Variants in MORN5 observed in about 807,000 individuals in gnomAD.
The protein encoded by MORN5 is MORN repeat-containing protein 5.
In MORN5, 21 loss-of-function variants were observed where a neutral mutation model predicts 22.1. The observed-to-expected ratio is 0.95, with a 90% CI of 0.67 to 1.37. The LOEUF is 1.37. Ranked by LOEUF, MORN5 falls within the 40% of genes most tolerant of loss-of-function variation. The probability of loss-of-function intolerance (pLI) is 0.00; values close to 1 mark genes in which losing one functional copy is unlikely to be tolerated. For missense variants in MORN5, 211 were observed against 215.1 expected (o/e 0.98, Z 0.12); for synonymous variants, 73 against 74.0 (o/e 0.99, Z 0.07).
chr9:122,199,162 C>T (rs377280960), intron 4 of MORN5, among the ~76,000 whole-genome samples: 24 of 152,300 alleles, frequency 1.6e-4, no homozygotes, highest in African/African-American at 5.5e-4. Flanking sequence ...GTTTAAAAAA[C>T]AGCACAGGCT....
chr9:122,193,291 AG>A (rs762309137), intron 4 of MORN5, among the ~76,000 whole-genome samples: 3 of 152,252 alleles, frequency 2.0e-5, no homozygotes, highest in Non-Finnish European at 2.9e-5. Flanking sequence ...TTGTGTTAAA[AG>A]CAGCAATTTG....
Position 122,174,601 on chromosome 9 carries a change from A to G in MORN5, c.413A>G (p.Tyr138Cys). 5 of 1,614,128 alleles carry G rather than the reference A, an allele frequency of 3.1e-6. No individual in the cohort carries two copies. Among genetic ancestry groups the G allele is most frequent in the Non-Finnish European group, 4.2e-6 (5 of 1,180,004 alleles). The change falls in exon 4 of 5, where the codon TAT becomes TGT. Residue 138 changes from tyrosine (Y) to cysteine (C), a missense_variant. Coordinates refer to ENST00000373764, the MANE Select transcript of MORN5 (RefSeq NM_198469.4). ...CCAGTCACGAGGGTAGTCAAGGACT[A>G]TAGGAACCGCTTTCTAAGAAACGCA... ...YNPVTRVVKD[Y>C]RNRFLRNADD...
chr9:122,167,344 G>A (rs1309276404), intron 2 of MORN5, among the ~76,000 whole-genome samples: 2 of 131,658 alleles, frequency 1.5e-5, no homozygotes, highest in South Asian at 2.5e-4. Context: ...GTGAGCCACC[G>A]CACCTGACCT....
At chr9:122,171,199 A>G (rs1166647543) in intron 3 of MORN5, among the ~76,000 whole-genome samples, 2 of 152,158 alleles carry the variant, frequency 1.3e-5, no homozygotes, top group African/African-American at 2.4e-5. Context: ...ATGAGCCTGC[A>G]CAAGTCAACC....
intron 4 of MORN5, among the ~76,000 whole-genome samples, chr9:122,194,974 C>T (rs914652744): frequency 4.6e-5 from 7 of 151,156 alleles, no homozygotes; most frequent in Admixed American, 2.0e-4. Context: ...GAGCTGAGAT[C>T]GCGCCATTGC....
intron 4 of MORN5, among the ~76,000 whole-genome samples, chr9:122,182,382 G>A (rs1486614741): frequency 2.6e-5 from 4 of 152,262 alleles, no homozygotes; most frequent in African/African-American, 9.6e-5. Flanking sequence ...GGCTTTGCCT[G>A]TGCATCCACA....
At chr9:122,160,566 T>TTTCC (rs1018744354) in intron 1 of MORN5, among the ~76,000 whole-genome samples, 4 of 151,070 alleles carry the variant, frequency 2.6e-5, no homozygotes, top group Admixed American at 6.6e-5. Context: ...TCCTTCCTTT[T>TTTCC]TTCCTTCCTT....
chr9:122,196,935 A>G (rs1183830589), intron 4 of MORN5, among the ~76,000 whole-genome samples: 2 of 152,182 alleles, frequency 1.3e-5, no homozygotes, highest in Non-Finnish European at 2.9e-5. Flanking sequence ...TATCCCCTCA[A>G]GTGTCTTATA....
chr9:122,189,571 G>A (rs1464902837), intron 4 of MORN5, among the ~76,000 whole-genome samples: 2 of 152,082 alleles, frequency 1.3e-5, no homozygotes, highest in African/African-American at 2.4e-5. Context: ...ACTACAGCTT[G>A]GGTGACAGAA....
intron 3 of MORN5, among the ~76,000 whole-genome samples, chr9:122,172,530 C>G (rs1324973850): frequency 6.6e-6 from 1 of 152,108 alleles, no homozygotes; most frequent in Non-Finnish European, 1.5e-5. Flanking sequence ...TCTTACTTCA[C>G]CCAAATAACT....
intron 4 of MORN5, among the ~76,000 whole-genome samples, chr9:122,193,169 G>C (rs1167993167): frequency 6.6e-6 from 1 of 152,152 alleles, no homozygotes; most frequent in African/African-American, 2.4e-5. Context: ...CTGTTCATCA[G>C]ACAACTCAAA....
intron 3 of MORN5, among the ~76,000 whole-genome samples, chr9:122,170,557 T>A (rs1229642820): frequency 6.6e-6 from 1 of 152,238 alleles, no homozygotes; most frequent in Non-Finnish European, 1.5e-5. Flanking sequence ...GGAGGCTCTC[T>A]GTAATCCCTG....
intron 4 of MORN5, chr9:122,174,922 C>T: frequency 2.1e-6 from 2 of 952,488 alleles, no homozygotes; most frequent in Non-Finnish European, 2.5e-6. Context: ...TTAATGGGCA[C>T]CTACTATATG....
chr9:122,192,966 G>A (rs1829803890), intron 4 of MORN5, among the ~76,000 whole-genome samples: 1 of 152,180 alleles, frequency 6.6e-6, no homozygotes, highest in Non-Finnish European at 1.5e-5. Flanking sequence ...AATACTTTAA[G>A]TGCTAGATCT....
At chr9:122,195,968 A>ATATTTATT (rs55879917) in intron 4 of MORN5, among the ~76,000 whole-genome samples, 2,947 of 147,568 alleles carry the variant, frequency 0.02, 98 homozygotes, top group African/African-American at 0.066. Flanking sequence ...ATTTTGTTTT[A>ATATTTATT]TATTTATTTA....
rs773616554 is a variant in MORN5 at position 122,174,622 on chromosome 9, A to T, written c.434A>T (p.Asn145Ile). ...GACTATAGGAACCGCTTTCTAAGAA[A>T]CGCAGGTAGGTTTCTTCCGACACTG... ...VKDYRNRFLR[N>I]ADDDEHEWIT... is the part of the protein sequence containing the mutation. Residue 145 changes from asparagine (N) to isoleucine (I), a missense_variant, in exon 4 of 5, where the codon AAC (asparagine) becomes ATC (isoleucine). Physicochemically the swap from Asn to Ile is moderately radical, Grantham distance 149. Transcript: ENST00000373764. The T allele has an allele frequency of 1.9e-6, 3 of 1,613,970 alleles. No individual in the cohort carries two copies. Among genetic ancestry groups the T allele is most frequent in the Non-Finnish European group, 2.5e-6 (3 of 1,180,012 alleles).
At chr9:122,189,213 A>G (rs982907110) in intron 4 of MORN5, among the ~76,000 whole-genome samples, 2 of 151,606 alleles carry the variant, frequency 1.3e-5, no homozygotes, top group African/African-American at 4.9e-5. Context: ...AAAAAAAAAG[A>G]TATGTATGTT....
At position 122,160,033 on chromosome 9, in the gene MORN5, T is replaced by G. The variant is rs1014463203; in HGVS notation, c.47+14T>G. ...TGTAGATGGGAGGTAAGGGGCTCAT[T>G]TGATTCACTTACTATACCTTGAATA... On this transcript the variant is annotated intron_variant, in intron 1 of 4. Transcript: ENST00000373764. 7.5e-6 allele frequency: 12 copies of G among 1,610,414 alleles called. No homozygotes were observed. The highest frequency in any genetic ancestry group is 7.6e-6 in the Non-Finnish European group (9 of 1,177,720).
At chr9:122,163,770 G>A (rs1187958605) in intron 1 of MORN5, among the ~76,000 whole-genome samples, 1 of 152,172 alleles carries the variant, frequency 6.6e-6, no homozygotes, top group Non-Finnish European at 1.5e-5. Context: ...TCCTGGTAGG[G>A]CCAAGCATCA....
Sources: gnomAD v4.1 joint callset for allele counts (sites outside exome capture counted in the v4.1 genomes callset) on GRCh38, gnomAD v4.1.1 for gene constraint, MANE v1.5 for transcripts, NCBI Gene and HGNC (gene_info 2026-07-23, HGNC 2026-07-21) for gene names.